The following FRAS1 variants were observed in gnomAD, a reference collection of about 807,000 sequenced individuals.
The protein encoded by FRAS1 is extracellular matrix organizing protein FRAS1.
Under a neutral mutation model 435.2 loss-of-function variants are expected in FRAS1, and 290 were observed. The ratio of observed to expected loss-of-function variants is 0.67; its 90% CI spans 0.61 to 0.73. The LOEUF (loss-of-function observed/expected upper bound fraction) is 0.73. FRAS1 is among the 30% of genes least tolerant of loss of function. The pLI, the probability that FRAS1 is intolerant of heterozygous loss-of-function variation, is 0.00. For synonymous variants in FRAS1, 1,800 were observed against 1,851.0 expected (o/e 0.97, Z 0.71); for missense variants, 4,860 against 5,001.5 (o/e 0.97, Z 0.85).
chr4:78,511,200 A>T, intron 63 of FRAS1, 74 bp from the exon 64 acceptor site: 1 of 1,172,002 alleles, frequency 8.5e-7, no homozygotes, highest in Non-Finnish European at 1.2e-6. Flanking sequence ...TTTACAGATT[A>T]ACTTGAACCA....
rs1051499714 is a variant in FRAS1, at chr4:78,511,269, G to A, written c.9781-5G>A. 1.3e-6 allele frequency: 2 copies of A among 1,573,178 alleles called. No homozygotes were observed. On this transcript the variant is annotated splice_polypyrimidine_tract_variant and splice_region_variant and intron_variant, in intron 63 of 73. Coordinates refer to ENST00000512123, the MANE Select transcript of FRAS1 (RefSeq NM_025074.7). ...ACATTGGAGGTGATTTTTTCTTCCTGTTAGGTCCTGGACAGCATTTACTTC... is the reference window on the plus strand; with the variant it reads ...ACATTGGAGGTGATTTTTTCTTCCTATTAGGTCCTGGACAGCATTTACTTC...
chr4:78,245,350 G>A, intron 4 of FRAS1, 25 bp downstream of exon 4: 1 of 1,461,872 alleles, frequency 6.8e-7, no homozygotes, highest in South Asian at 1.2e-5. Context: ...ACTCACGGTT[G>A]ATTCTGTGTC....
At position 78,448,035 on chromosome 4, in the gene FRAS1, C is replaced by A; in HGVS notation, c.6011-18C>A. The A allele has an allele frequency of 3.2e-6, 5 of 1,572,354 alleles. No homozygotes were observed. Among genetic ancestry groups the A allele is most frequent in the Non-Finnish European group, 4.3e-6 (5 of 1,157,976 alleles). On this transcript the variant is annotated intron_variant, in intron 43 of 73. Coordinates refer to ENST00000512123, the MANE Select transcript of FRAS1 (RefSeq NM_025074.7). The stretch of plus-strand genomic sequence containing the variant: ...TGTATTCTACCATTGTTTTGCTTTT[C>A]TTTACCTCTTCCCTCAGGTCATGTA...
chr4:78,131,020 A>T (rs560921370), intron 2 of FRAS1, among the ~76,000 whole-genome samples: 2 of 152,264 alleles, frequency 1.3e-5, no homozygotes, highest in South Asian at 4.1e-4. Context: ...ATATTTTCTG[A>T]CTTCTTTCAG....
At chr4:78,059,229 G>A (rs1265043385) in intron 1 of FRAS1, among the ~76,000 whole-genome samples, 1 of 152,140 alleles carries the variant, frequency 6.6e-6, no homozygotes, top group Non-Finnish European at 1.5e-5. Flanking sequence ...CGGGAGGCCC[G>A]GGGAGGACAA....
intron 2 of FRAS1, among the ~76,000 whole-genome samples, chr4:78,160,237 A>T (rs1356511826): frequency 6.6e-6 from 1 of 152,252 alleles, no homozygotes; most frequent in Non-Finnish European, 1.5e-5. Flanking sequence ...ATACGTTTTA[A>T]ATGTTTCTCT....
intron 43 of FRAS1, 59 bp from the exon 44 acceptor site, chr4:78,447,994 G>T: frequency 7.1e-7 from 1 of 1,413,420 alleles, no homozygotes; most frequent in South Asian, 1.5e-5. Context: ...ACAATGTTTT[G>T]AATCATATAT....
At chr4:78,125,393 A>G (rs1031256804) in intron 2 of FRAS1, among the ~76,000 whole-genome samples, 1 of 152,050 alleles carries the variant, frequency 6.6e-6, no homozygotes, top group Non-Finnish European at 1.5e-5. Context: ...TTTGCTGAGG[A>G]GTGTTTTACT....
Position 78,534,606 on chromosome 4 carries a change from T to C in FRAS1, c.11083T>C (p.Phe3695Leu), listed in dbSNP as rs776758245. ...AGCAGAAATGGATTACAAAGGAGCC[T>C]TTTCAAAAGGTGAGTTGCTTCCTCC... ...SLAEMDYKGAFSKGQILYGRV... is the reference protein window; with the variant it reads ...SLAEMDYKGALSKGQILYGRV... The change falls in exon 71 of 74, where the codon TTT (phenylalanine) becomes CTT (leucine). Residue 3695 changes from phenylalanine to leucine, a missense_variant. Phe to Leu is a conservative substitution (Grantham distance 22). Transcript: ENST00000512123. The C allele has an allele frequency of 2.5e-6, 4 of 1,612,284 alleles. No individual in the cohort carries two copies. The highest frequency in any genetic ancestry group is 3.4e-6 in the Non-Finnish European group (4 of 1,178,886).
In FRAS1 at chr4:78,059,441, C is replaced by T. The variant is rs1245485066; in HGVS notation, c.76+1356C>T. On this transcript the variant is annotated intron_variant, in intron 1 of 73. Transcript: ENST00000512123. ...GCACATCTGGGGCCTGTGCAGCCTTCTCCCAACAGTGCAAGTCCTGTAGAA... is the reference window on the plus strand; with the variant it reads ...GCACATCTGGGGCCTGTGCAGCCTTTTCCCAACAGTGCAAGTCCTGTAGAA... Among the ~76,000 whole-genome samples the T allele has an allele frequency of 5.3e-5, 8 of 151,784 alleles. No individual in the cohort carries two copies. In the East Asian group the frequency reaches 1.6e-3, roughly 30 times the overall value.
At chr4:78,344,569 A>G (rs1730530733) in intron 20 of FRAS1, among the ~76,000 whole-genome samples, 1 of 148,192 alleles carries the variant, frequency 6.7e-6, no homozygotes, top group Admixed American at 6.7e-5. Flanking sequence ...CTTGCACACA[A>G]TCGGGGCTCA....
intron 38 of FRAS1, among the ~76,000 whole-genome samples, chr4:78,435,474 C>T (rs1322985725): frequency 6.6e-6 from 1 of 152,146 alleles, no homozygotes; most frequent in Non-Finnish European, 1.5e-5. Flanking sequence ...TGCGGTGGCT[C>T]ATGCCTGTAA....
intron 69 of FRAS1, among the ~76,000 whole-genome samples, chr4:78,523,834 C>A (rs1342498020): frequency 6.6e-6 from 1 of 152,148 alleles, no homozygotes; most frequent in Admixed American, 6.5e-5. Context: ...GAAGCCCACC[C>A]TCCTTATGCA....
At chr4:78,101,565 A>AT (rs1311993881) in intron 2 of FRAS1, among the ~76,000 whole-genome samples, 1 of 151,890 alleles carries the variant, frequency 6.6e-6, no homozygotes, top group Admixed American at 6.6e-5. Context: ...TTGGTAGTGA[A>AT]TTTTTTTCAT....
In FRAS1 at chr4:78,536,927, C is replaced by A. The variant is rs1721903752; in HGVS notation, c.11093-68C>A. ...TTAAGGGAGCATGTTTAACCCCTTT[C>A]AACCCTTGACATTTGTTTTTCTTTC... On this transcript the variant is annotated intron_variant, in intron 71 of 73. Transcript: ENST00000512123. 3.7e-6 allele frequency: 5 copies of A among 1,341,888 alleles called. No homozygotes were observed. The Admixed American group carries it at 8.6e-5, about 23-fold the overall frequency. 83.1% of individuals were successfully genotyped at this position (1,341,888 alleles called of 1,614,324 possible).
At chr4:78,120,721 C>T (rs1172832858) in intron 2 of FRAS1, among the ~76,000 whole-genome samples, 1 of 152,192 alleles carries the variant, frequency 6.6e-6, no homozygotes, top group Non-Finnish European at 1.5e-5. Flanking sequence ...CTTTAGGGGT[C>T]TATCCCATAA....
intron 47 of FRAS1, among the ~76,000 whole-genome samples, chr4:78,454,778 T>G (rs947962055): frequency 6.6e-6 from 1 of 152,134 alleles, no homozygotes; most frequent in African/African-American, 2.4e-5. Context: ...CCAGCTGTGT[T>G]AAGAGTCCTG....
chr4:78,063,828 A>C (rs1739869000), intron 1 of FRAS1, among the ~76,000 whole-genome samples: 1 of 152,132 alleles, frequency 6.6e-6, no homozygotes, highest in Non-Finnish European at 1.5e-5. Flanking sequence ...TTAAAGATTA[A>C]ATTTTGTTTG....
rs1560545863 is a variant in FRAS1, at chr4:78,140,617, A to ATATGTGTATACGCATATACATATGTG, written c.108+74605_108+74630dup. On this transcript the variant is annotated intron_variant, in intron 2 of 73. Coordinates refer to ENST00000512123, the MANE Select transcript of FRAS1 (RefSeq NM_025074.7). ...AGTGGATAAAGAAACTGTGGTATAT[A>ATATGTGTATACGCATATACATATGTG]TATGTGTATACGCATATACATATGT... 2.0e-5 allele frequency among the ~76,000 whole-genome samples: 3 copies of ATATGTGTATACGCATATACATATGTG among 150,320 alleles called. No individual in the cohort carries two copies. In the East Asian group the frequency reaches 5.8e-4, roughly 29 times the overall value.
Sources: allele counts gnomAD v4.1 joint callset (sites outside exome capture counted in the v4.1 genomes callset), GRCh38; gene constraint gnomAD v4.1.1; transcripts MANE v1.5; gene names NCBI Gene and HGNC (gene_info 2026-07-23, HGNC 2026-07-21).